Variants in CAMSAP2 observed in about 807,000 individuals in gnomAD.
The protein encoded by CAMSAP2 is calmodulin-regulated spectrin-associated protein 2.
A neutral mutation model predicts 146.1 loss-of-function variants in CAMSAP2; 26 were observed. The ratio of observed to expected loss-of-function variants is 0.18; its 90% CI spans 0.13 to 0.25. The LOEUF (loss-of-function observed/expected upper bound fraction) is 0.25. Among genes scored for constraint, CAMSAP2 ranks in the 10% least tolerant of loss-of-function variants. The pLI is 1.00. For synonymous variants in CAMSAP2, 499 were observed against 596.6 expected (o/e 0.84, Z 2.38); for missense variants, 1,381 against 1,759.3 (o/e 0.78, Z 3.85).
chr1:200,816,666 A>G (rs1666502819), intron 4 of CAMSAP2, among the ~76,000 whole-genome samples: 1 of 141,854 alleles, frequency 7.0e-6, no homozygotes, highest in Admixed American at 7.1e-5. Context: ...ACACATACAC[A>G]TGTGTATATG....
chr1:200,808,652 A>G (rs1297044785), intron 3 of CAMSAP2, among the ~76,000 whole-genome samples: 1 of 152,218 alleles, frequency 6.6e-6, no homozygotes, highest in Non-Finnish European at 1.5e-5. Context: ...GTTACATTCT[A>G]GACCTATTCA....
At chr1:200,799,613 A>C (rs1665983237) in intron 2 of CAMSAP2, among the ~76,000 whole-genome samples, 1 of 152,104 alleles carries the variant, frequency 6.6e-6, no homozygotes, top group East Asian at 1.9e-4. Flanking sequence ...TAATCTTTTC[A>C]GAAAACCAGC....
chr1:200,790,743 A>G (rs1241148083), intron 2 of CAMSAP2, among the ~76,000 whole-genome samples: 2 of 152,242 alleles, frequency 1.3e-5, no homozygotes, highest in African/African-American at 2.4e-5. Flanking sequence ...TTTTACATGC[A>G]GACCAGAAAC....
At chr1:200,764,462 T>C (rs1664885979) in intron 2 of CAMSAP2, among the ~76,000 whole-genome samples, 1 of 152,198 alleles carries the variant, frequency 6.6e-6, no homozygotes, top group African/African-American at 2.4e-5. Context: ...TAAATAGGAT[T>C]GGAGAAATAA....
chr1:200,820,062 A>AAT (rs1666708242), intron 4 of CAMSAP2, among the ~76,000 whole-genome samples: 2 of 145,866 alleles, frequency 1.4e-5, no homozygotes, highest in African/African-American at 2.5e-5. Context: ...TTCTCAAAAA[A>AAT]TTTTTTTTTT....
At chr1:200,777,476 C>T (rs896929928) in intron 2 of CAMSAP2, among the ~76,000 whole-genome samples, 1 of 151,984 alleles carries the variant, frequency 6.6e-6, no homozygotes, top group Non-Finnish European at 1.5e-5. Flanking sequence ...TTTTTTTCCT[C>T]CCTGATAAAT....
At chr1:200,775,475 A>C (rs563843167) in intron 2 of CAMSAP2, among the ~76,000 whole-genome samples, 4 of 152,274 alleles carry the variant, frequency 2.6e-5, no homozygotes, top group African/African-American at 9.6e-5. Context: ...TAAATGCCAT[A>C]ATAATAATTT....
chr1:200,837,803 G>A (rs1485228592), intron 6 of CAMSAP2, among the ~76,000 whole-genome samples: 2 of 152,088 alleles, frequency 1.3e-5, no homozygotes, highest in Non-Finnish European at 2.9e-5. Flanking sequence ...CTGGTTAGCT[G>A]TATTCCTAGG....
chr1:200,796,258 A>AT (rs1206719798), intron 2 of CAMSAP2, among the ~76,000 whole-genome samples: 1 of 152,088 alleles, frequency 6.6e-6, no homozygotes. Flanking sequence ...GTTAAACAAA[A>AT]TTTTTTGTGT....
Position 200,853,250 on chromosome 1 carries a change from G to C in CAMSAP2, c.3603-25G>C, listed in dbSNP as rs1272938331. 6.3e-7 allele frequency: 1 copy of C among 1,598,776 alleles called. No homozygotes were observed. Among genetic ancestry groups the C allele is most frequent in the Non-Finnish European group, 8.6e-7 (1 of 1,168,448 alleles). ...GGTTTGTCTTTGGTATGCAGAATAA[G>C]AACTGTAACCATTTGATTTCTTAGG... On this transcript the variant is annotated intron_variant, in intron 12 of 16. Coordinates refer to ENST00000358823, the MANE Select transcript of CAMSAP2 (RefSeq NM_203459.4). This position sits in a 1 kb window ranked among gnomAD's most constrained non-coding sequence, Gnocchi z 5.1.
Position 200,793,849 on chromosome 1 carries a change from G to A in CAMSAP2, c.400-13527G>A, listed in dbSNP as rs142977739. ...GACTTTCTTATAACCACCTGATGAC[G>A]TGTGTATTAAACAAACAAACATTTT... is the stretch of plus-strand genomic sequence containing the variant. On this transcript the variant is annotated intron_variant, in intron 2 of 16. Coordinates refer to ENST00000358823, the MANE Select transcript of CAMSAP2 (RefSeq NM_203459.4). Among the ~76,000 whole-genome samples, 59 of 152,202 alleles carry A rather than the reference G, an allele frequency of 3.9e-4. No homozygotes were observed. The East Asian group carries it at 0.011, about 28-fold the overall frequency.
At chr1:200,753,150 A>T (rs1664555865) in intron 1 of CAMSAP2, among the ~76,000 whole-genome samples, 1 of 151,862 alleles carries the variant, frequency 6.6e-6, no homozygotes, top group Admixed American at 6.6e-5. Flanking sequence ...GTGTGCCTGT[A>T]GTTCCAGTTA....
chr1:200,860,334 A>G lies in CAMSAP2; in HGVS notation c.*2275A>G, dbSNP rs1161135038. The G allele has an allele frequency of 6.5e-6, 1 of 152,728 alleles. No individual in the cohort carries two copies. Among genetic ancestry groups the G allele is most frequent in the Non-Finnish European group, 1.5e-5 (1 of 68,028 alleles). The allele number at this position is 152,728 out of a possible 1,614,324, so 9.5% of individuals were successfully genotyped here. ...AACACACTGGTGCTTTCATCATCAG[A>G]GGTCAAATTATTATGATAACTATTC... is the stretch of plus-strand genomic sequence containing the variant. On this transcript the variant is annotated 3_prime_UTR_variant, in exon 17 of 17. Transcript: ENST00000358823.
chr1:200,786,268 T>A (rs1426663688), intron 2 of CAMSAP2, among the ~76,000 whole-genome samples: 1 of 152,138 alleles, frequency 6.6e-6, no homozygotes, highest in African/African-American at 2.4e-5. Flanking sequence ...ATTTCTTTTC[T>A]TTTTCTTATT....
rs200272887 is a variant in CAMSAP2, at chr1:200,849,850, A to G, written c.3081A>G (p.Glu1027=). The G allele has an allele frequency of 6.2e-7, 1 of 1,614,188 alleles. No homozygotes were observed. Among genetic ancestry groups the G allele is most frequent in the East Asian group, 2.2e-5 (1 of 44,892 alleles). ...RSFVCFGDDG[E]PQLKESKPKE... ...TTGTATGTTTTGGGGATGATGGAGA[A>G]CCTCAGTTAAAGGAATCCAAACCTA... Residue 1027 remains glutamate (E), a synonymous_variant, in exon 11 of 17, where the codon GAA becomes GAG. Coordinates refer to ENST00000358823, the MANE Select transcript of CAMSAP2 (RefSeq NM_203459.4). The surrounding 1 kb of genome is among the most constrained non-coding windows in gnomAD (Gnocchi z 6.3).
chr1:200,849,722 A>T lies in CAMSAP2; in HGVS notation c.2953A>T (p.Ile985Leu), dbSNP rs1397992082. 1 of 1,614,216 alleles carries T rather than the reference A, an allele frequency of 6.2e-7. No homozygotes were observed. Among genetic ancestry groups the T allele is most frequent in the South Asian group, 1.1e-5 (1 of 91,084 alleles). Residue 985 changes from isoleucine (I) to leucine (L), a missense_variant, in exon 11 of 17, where the codon ATA becomes TTA. Transcript: ENST00000358823. This position sits in a 1 kb window ranked among gnomAD's most constrained non-coding sequence, Gnocchi z 6.3. ...QRTPRPNELKITPLNRTLTPP... is the reference protein window; with the variant it reads ...QRTPRPNELKLTPLNRTLTPP... ...GACTCCTAGGCCAAATGAGTTAAAAATAACACCTTTGAATCGAACCTTGAC... is the reference window on the plus strand; with the variant it reads ...GACTCCTAGGCCAAATGAGTTAAAATTAACACCTTTGAATCGAACCTTGAC...
Position 200,820,097 on chromosome 1 carries a change from G to A in CAMSAP2, c.645+4453G>A, listed in dbSNP as rs181115131. Among the ~76,000 whole-genome samples, 1,019 of 149,050 alleles carry A rather than the reference G, an allele frequency of 6.8e-3. 5 individuals are homozygous for A. Among genetic ancestry groups the A allele is most frequent in the Non-Finnish European group, 0.011 (752 of 67,626 alleles). The stretch of plus-strand genomic sequence containing the variant: ...TTTTTTTGAGACGGAGTTTTGCTCC[G>A]TCACCCAGGCTGGAGGGCAGAGGCA... On this transcript the variant is annotated intron_variant, in intron 4 of 16. Coordinates refer to ENST00000358823, the MANE Select transcript of CAMSAP2 (RefSeq NM_203459.4).
rs200787890 is a variant in CAMSAP2 at position 200,773,420 on chromosome 1, GT to G, written c.399+12330del. On this transcript the variant is annotated intron_variant, in intron 2 of 16. Transcript: ENST00000358823. ...AAGTGCACACCACCATGCCTGGCTA[GT>G]TTTTTTTGTATTTTTAGTAGAGACG... is the stretch of plus-strand genomic sequence containing the variant. 5.6e-3 allele frequency among the ~76,000 whole-genome samples: 848 copies of G among 151,640 alleles called. 11 individuals are homozygous for G. The highest frequency in any genetic ancestry group is 0.02 in the African/African-American group (815 of 41,362).
At chr1:200,808,785 C>G (rs1030106634) in intron 3 of CAMSAP2, among the ~76,000 whole-genome samples, 1 of 152,198 alleles carries the variant, frequency 6.6e-6, no homozygotes, top group African/African-American at 2.4e-5. Context: ...CTCATTATGA[C>G]TTATAAACTA....
Sources: allele counts gnomAD v4.1 joint callset (sites outside exome capture counted in the v4.1 genomes callset), GRCh38; gene constraint gnomAD v4.1.1; non-coding constraint Gnocchi (gnomAD v3.1); transcripts MANE v1.5; gene names NCBI Gene and HGNC (gene_info 2026-07-23, HGNC 2026-07-21).